Variants in SPATA13 observed in about 807,000 individuals in gnomAD.
SPATA13 encodes the protein spermatogenesis-associated protein 13.
In SPATA13, 50 loss-of-function variants were observed where a neutral mutation model predicts 104.0. The ratio of observed to expected loss-of-function variants is 0.48; its 90% CI spans 0.38 to 0.61. The LOEUF (loss-of-function observed/expected upper bound fraction) is 0.61. Ranked by LOEUF, SPATA13 falls within the 20% of genes least tolerant of loss-of-function variation. The pLI is 0.00. For synonymous variants in SPATA13, 606 were observed against 667.5 expected (o/e 0.91, Z 1.42); for missense variants, 1,524 against 1,690.6 (o/e 0.90, Z 1.73).
At chr13:24,017,767 C>G in intron 3 of SPATA13, 1 of 905,512 alleles carries the variant, frequency 1.1e-6, no homozygotes, top group East Asian at 1.2e-4. Flanking sequence ...AATCCTACCT[C>G]CATTTGCAGA....
At chr13:24,143,383 G>A (rs975483171) in intron 3 of SPATA13, among the ~76,000 whole-genome samples, 1 of 152,014 alleles carries the variant, frequency 6.6e-6, no homozygotes, top group Non-Finnish European at 1.5e-5. Flanking sequence ...GTAGTACCTG[G>A]AGCAGGGTTG....
intron 3 of SPATA13, among the ~76,000 whole-genome samples, chr13:24,030,062 A>ATGTG (rs1877410218): frequency 1.2e-5 from 1 of 80,314 alleles, no homozygotes; most frequent in African/African-American, 3.4e-5. Context: ...ACACACACAC[A>ATGTG]CACGCACACA....
In SPATA13 at chr13:24,088,230, C is replaced by T. The variant is rs1481749073; in HGVS notation, c.-112+70529C>T. On this transcript the variant is annotated intron_variant, in intron 3 of 14. Transcript: ENST00000424834. This position sits in a 1 kb window ranked among gnomAD's most constrained non-coding sequence, Gnocchi z 4.3. The stretch of plus-strand genomic sequence containing the variant: ...ATGCTCCCTAGGCAGCACTGGATGC[C>T]CACAGTGTTTGAGGTAGGGATTGTT... Among the ~76,000 whole-genome samples, 1 of 152,080 alleles carries T rather than the reference C, an allele frequency of 6.6e-6. No homozygotes were observed. Among genetic ancestry groups the T allele is most frequent in the Non-Finnish European group, 1.5e-5 (1 of 68,022 alleles).
At chr13:24,107,762 T>C (rs1450907010) in intron 3 of SPATA13, among the ~76,000 whole-genome samples, 1 of 152,234 alleles carries the variant, frequency 6.6e-6, no homozygotes, top group Non-Finnish European at 1.5e-5. Flanking sequence ...TCTTCTCCTC[T>C]TTCTGTTTTA....
rs1463239454 is a variant in SPATA13 at position 24,205,556 on chromosome 13, C to T, written c.-111-17263C>T. Among the ~76,000 whole-genome samples the T allele has an allele frequency of 1.3e-5, 2 of 152,184 alleles. No homozygotes were observed. Among genetic ancestry groups the T allele is most frequent in the Non-Finnish European group, 2.9e-5 (2 of 68,022 alleles). ...GCTATTCTGATTAAATTACCATTAA[C>T]ATTCTTCACAGAATTAGAAAAAAAC... On this transcript the variant is annotated intron_variant, in intron 1 of 12. Transcript: ENST00000382108. The surrounding 1 kb of genome is among the most constrained non-coding windows in gnomAD (Gnocchi z 4.1).
chr13:24,286,426 T>C lies in SPATA13; in HGVS notation c.2481+33T>C. On this transcript the variant is annotated intron_variant, in intron 6 of 12. Coordinates refer to ENST00000382108, the MANE Select transcript of SPATA13 (RefSeq NM_001166271.3). The surrounding 1 kb of genome is among the most constrained non-coding windows in gnomAD (Gnocchi z 4.9). ...TGGGGTGCTTGCAGCTTTTCCAAAGTACCTGGGGGAGCTGCAGGATCCTTT... is the reference window on the plus strand; with the variant it reads ...TGGGGTGCTTGCAGCTTTTCCAAAGCACCTGGGGGAGCTGCAGGATCCTTT... The C allele has an allele frequency of 6.3e-7, 1 of 1,595,432 alleles. No individual in the cohort carries two copies. The highest frequency in any genetic ancestry group is 1.1e-5 in the South Asian group (1 of 89,158).
At chr13:24,014,244 T>C (rs890279676) in intron 2 of SPATA13, among the ~76,000 whole-genome samples, 1 of 152,128 alleles carries the variant, frequency 6.6e-6, no homozygotes, top group Non-Finnish European at 1.5e-5. Flanking sequence ...GTCCAGAGTC[T>C]CCCTTTCCAT....
intron 3 of SPATA13, among the ~76,000 whole-genome samples, chr13:24,025,566 A>G (rs552194926): frequency 6.6e-6 from 1 of 152,300 alleles, no homozygotes; most frequent in African/African-American, 2.4e-5. Flanking sequence ...TAGTTGTTCC[A>G]ATTTATATGT....
intron 1 of SPATA13, among the ~76,000 whole-genome samples, chr13:24,203,582 A>G (rs938775042): frequency 2.0e-5 from 3 of 152,184 alleles, no homozygotes; most frequent in African/African-American, 4.8e-5. Flanking sequence ...GGACACAGCA[A>G]TGCAGTGCCT....
At chr13:24,184,756 G>T (rs1869038658) in intron 1 of SPATA13, among the ~76,000 whole-genome samples, 1 of 152,098 alleles carries the variant, frequency 6.6e-6, no homozygotes, top group South Asian at 2.1e-4. Context: ...GTCCACCATG[G>T]TATGACCTCT....
At chr13:24,007,592 G>A (rs948170656) in intron 2 of SPATA13, among the ~76,000 whole-genome samples, 1 of 152,258 alleles carries the variant, frequency 6.6e-6, no homozygotes, top group Admixed American at 6.5e-5. Context: ...GAATAGCTGG[G>A]ATTATAGGTG....
At chr13:24,040,723 G>A (rs1399897919) in intron 3 of SPATA13, among the ~76,000 whole-genome samples, 2 of 152,174 alleles carry the variant, frequency 1.3e-5, no homozygotes, top group East Asian at 3.8e-4. Context: ...AATTGAAAGG[G>A]GGAAAAGGGT....
At chr13:24,234,588 G>T (rs1872473411) in intron 2 of SPATA13, among the ~76,000 whole-genome samples, 1 of 152,212 alleles carries the variant, frequency 6.6e-6, no homozygotes, top group Non-Finnish European at 1.5e-5. Context: ...GGGGGCCAGA[G>T]TACACATTGC....
At chr13:24,289,241 A>T in intron 8 of SPATA13, 63 bp downstream of exon 8, 1 of 1,339,346 alleles carries the variant, frequency 7.5e-7, no homozygotes. Context: ...GTGCATCTCC[A>T]CAGAAAACAG....
intron 2 of SPATA13, among the ~76,000 whole-genome samples, chr13:23,995,113 G>A (rs1467069984): frequency 6.6e-6 from 1 of 152,146 alleles, no homozygotes; most frequent in African/African-American, 2.4e-5. Flanking sequence ...GTCCAAAAAT[G>A]TCAGTAGTGC....
chr13:24,120,810 A>G (rs1881008637), intron 3 of SPATA13, among the ~76,000 whole-genome samples: 1 of 152,208 alleles, frequency 6.6e-6, no homozygotes, highest in Non-Finnish European at 1.5e-5. Flanking sequence ...CCTACCAGGT[A>G]CTTACAGTTT....
rs762315531 is a variant in SPATA13, at chr13:24,289,072, T to C, written c.2741T>C (p.Ile914Thr). 6 of 1,614,018 alleles carry C rather than the reference T, an allele frequency of 3.7e-6. No individual in the cohort carries two copies. Among genetic ancestry groups the C allele is most frequent in the East Asian group, 2.2e-5 (1 of 44,870 alleles). Reference sequence around the variant, plus strand: ...CAGCTAGCCACTATTTTTGGAAACATTGAAGATATTTACAAATTCCAAAGA... The same window carrying C: ...CAGCTAGCCACTATTTTTGGAAACACTGAAGATATTTACAAATTCCAAAGA... Reference protein sequence around the residue: ...VAQLATIFGNIEDIYKFQRKF... With the variant: ...VAQLATIFGNTEDIYKFQRKF... The change falls in exon 8 of 13, where the codon ATT (isoleucine) becomes ACT (threonine). Residue 914 changes from isoleucine (I) to threonine (T), a missense_variant. By Grantham distance (89) the Ile-to-Thr change is moderately conservative. Transcript: ENST00000382108.
intron 2 of SPATA13, among the ~76,000 whole-genome samples, chr13:24,014,283 C>G (rs902605897): frequency 6.6e-6 from 1 of 152,122 alleles, no homozygotes; most frequent in Non-Finnish European, 1.5e-5. Context: ...GGATTAGGCT[C>G]TCACCCTAAT....
At chr13:24,122,845 A>C in intron 3 of SPATA13, 1 of 773,162 alleles carries the variant, frequency 1.3e-6, no homozygotes, top group Non-Finnish European at 2.4e-6. Context: ...ATCTCCTCAT[A>C]GAATTCTAAG....
Sources: gnomAD v4.1 joint callset for allele counts (sites outside exome capture counted in the v4.1 genomes callset) on GRCh38, gnomAD v4.1.1 for gene constraint, Gnocchi (gnomAD v3.1) non-coding constraint, MANE v1.5 for transcripts, NCBI Gene and HGNC (gene_info 2026-07-23, HGNC 2026-07-21) for gene names.